BAZ1A: variants seen among roughly 807,000 people sequenced by gnomAD.
The protein encoded by BAZ1A is bromodomain adjacent to zinc finger domain protein 1A.
Under a neutral mutation model 185.2 loss-of-function variants are expected in BAZ1A, and 50 were observed. That is an observed-to-expected ratio of 0.27 (90% confidence interval 0.22 to 0.34). BAZ1A has a LOEUF of 0.34. Ranked by LOEUF, BAZ1A falls within the 10% of genes least tolerant of loss-of-function variation. The probability of loss-of-function intolerance (pLI) is 1.00; values close to 1 mark genes in which losing one functional copy is unlikely to be tolerated. For synonymous variants in BAZ1A, 571 were observed against 615.6 expected, an observed-to-expected ratio of 0.93 and a Z score of 1.07; for missense variants, 1,356 against 1,839.9, an observed-to-expected ratio of 0.74 and a Z score of 4.81.
At chr14:34,807,190 T>C (rs1293730590) in intron 6 of BAZ1A, among the ~76,000 whole-genome samples, 3 of 151,278 alleles carry the variant, frequency 2.0e-5, no homozygotes, top group Non-Finnish European at 4.4e-5. Context: ...CCTGATAACT[T>C]TTCTTTTTCC....
chr14:34,786,611 T>TTG (rs1880468046), intron 12 of BAZ1A: 1 of 145,808 alleles, frequency 6.9e-6, no homozygotes, highest in African/African-American at 2.7e-5. Context: ...GTGTGTTTTT[T>TTG]TTTTTTTTTT....
Position 34,785,922 on chromosome 14 carries a change from A to G in BAZ1A, c.1686T>C (p.Ala562=). 6.2e-7 allele frequency: 1 copy of G among 1,614,136 alleles called. No individual in the cohort carries two copies. The highest frequency in any genetic ancestry group is 8.5e-7 in the Non-Finnish European group (1 of 1,180,028). ...ILRLHILASG[A]DVTSANAKYR... ...ACTTTGCATTTGCTGATGTTACATC[A>G]GCACCTGAAGCTAAGATGTGCAGTC... The change falls in exon 14 of 27, where the codon GCT becomes GCC. Residue 562 remains alanine (A), a synonymous_variant. Transcript: ENST00000360310.
intron 4 of BAZ1A, among the ~76,000 whole-genome samples, chr14:34,813,276 C>T (rs1248201001): frequency 1.3e-5 from 2 of 152,064 alleles, no homozygotes; most frequent in African/African-American, 4.8e-5. Flanking sequence ...TGTGTGGTCC[C>T]AGCTACTTTG....
At chr14:34,822,944 A>G (rs1257941237) in intron 4 of BAZ1A, among the ~76,000 whole-genome samples, 1 of 152,156 alleles carries the variant, frequency 6.6e-6, no homozygotes, top group Non-Finnish European at 1.5e-5. Context: ...GTTCAAATCT[A>G]AAAAAGAAAG....
intron 2 of BAZ1A, among the ~76,000 whole-genome samples, chr14:34,865,255 TTTTA>T (rs1698622184): frequency 6.6e-6 from 1 of 152,084 alleles, no homozygotes; most frequent in Non-Finnish European, 1.5e-5. Context: ...AAAAAAATTT[TTTTA>T]TATATATGCA....
intron 3 of BAZ1A, among the ~76,000 whole-genome samples, chr14:34,837,525 C>G (rs2042349183): frequency 6.7e-6 from 1 of 150,236 alleles, no homozygotes; most frequent in Non-Finnish European, 1.5e-5. Flanking sequence ...AGGCATGAGC[C>G]ACTGAGCCCA....
chr14:34,871,351 T>G (rs750336125), intron 2 of BAZ1A, among the ~76,000 whole-genome samples: 1 of 152,242 alleles, frequency 6.6e-6, no homozygotes, highest in African/African-American at 2.4e-5. Flanking sequence ...AGCCACCGCA[T>G]GCAGCCAGAA....
chr14:34,861,080 C>A (rs187359288), intron 3 of BAZ1A, among the ~76,000 whole-genome samples: 121 of 151,904 alleles, frequency 8.0e-4, no homozygotes, highest in African/African-American at 2.8e-3. Flanking sequence ...TATAATGATT[C>A]TTCAAATAAG....
At chr14:34,858,210 G>A (rs933310354) in intron 3 of BAZ1A, among the ~76,000 whole-genome samples, 3 of 152,094 alleles carry the variant, frequency 2.0e-5, no homozygotes, top group East Asian at 1.9e-4. Context: ...CTGTATCCTC[G>A]AAAATGGTTA....
In BAZ1A at chr14:34,753,430, C is replaced by G; in HGVS notation, c.*78G>C. 1 of 1,332,158 alleles carries G rather than the reference C, an allele frequency of 7.5e-7. No homozygotes were observed. The highest frequency in any genetic ancestry group is 1.4e-5 in the African/African-American group (1 of 70,154). The allele number at this position is 1,332,158 out of a possible 1,614,324, so 82.5% of individuals were successfully genotyped here. A position where few individuals can be genotyped will look rare whatever the true frequency, so the allele number is the denominator to read the frequency against. On this transcript the variant is annotated 3_prime_UTR_variant, in exon 27 of 27. Transcript: ENST00000360310. The stretch of plus-strand genomic sequence containing the variant: ...TCATGTGGTCAATCAATTGTTATTG[C>G]TTTATACAGCATGATTTAATGTTCC...
chr14:34,842,574 T>C (rs2042433596), intron 3 of BAZ1A, among the ~76,000 whole-genome samples: 1 of 152,236 alleles, frequency 6.6e-6, no homozygotes, highest in Non-Finnish European at 1.5e-5. Context: ...ATTAAAAGCT[T>C]AATCTGACCA....
At chr14:34,792,315 G>A (rs940174543) in intron 12 of BAZ1A, among the ~76,000 whole-genome samples, 13 of 152,028 alleles carry the variant, frequency 8.6e-5, no homozygotes, top group African/African-American at 3.1e-4. Context: ...AACCTGGGAG[G>A]TGGAGGTTGT....
At chr14:34,850,007 T>A (rs1458063416) in intron 3 of BAZ1A, among the ~76,000 whole-genome samples, 1 of 151,934 alleles carries the variant, frequency 6.6e-6, no homozygotes, top group African/African-American at 2.4e-5. Context: ...CATTTTTGTA[T>A]CCCCCATCAG....
chr14:34,783,871 T>C lies in BAZ1A; in HGVS notation c.1888A>G (p.Thr630Ala), dbSNP rs766370985. The change falls in exon 15 of 27, where the codon ACT becomes GCT. Residue 630 changes from threonine (T) to alanine (A), a missense_variant. This residue lies in a region of BAZ1A where 184 missense variants were observed against 355.1 expected (regional missense o/e 0.52). Coordinates refer to ENST00000360310, the MANE Select transcript of BAZ1A (RefSeq NM_013448.3). ...ACATAATCTTCAATAAAATCCCTAG[T>C]TGAAACTAGGGTCAGTAGCTTTCCA... is the stretch of plus-strand genomic sequence containing the variant. Reference protein sequence around the residue: ...LCGKLLTLVSTRDFIEDYVDI... With the variant: ...LCGKLLTLVSARDFIEDYVDI... 43 of 1,613,240 alleles carry C rather than the reference T, an allele frequency of 2.7e-5. No individual in the cohort carries two copies. The South Asian group carries it at 4.7e-4, about 18-fold the overall frequency.
At chr14:34,799,647 TG>T (rs1332266395) in intron 9 of BAZ1A, among the ~76,000 whole-genome samples, 1 of 152,094 alleles carries the variant, frequency 6.6e-6, no homozygotes, top group Non-Finnish European at 1.5e-5. Flanking sequence ...AGTCTTGTTC[TG>T]TTGCCCAGGC....
chr14:34,810,548 T>C (rs759761768), intron 5 of BAZ1A, among the ~76,000 whole-genome samples: 2 of 152,208 alleles, frequency 1.3e-5, no homozygotes, highest in Non-Finnish European at 2.9e-5. Context: ...ACTTCATAAA[T>C]AGGACCCTTT....
At chr14:34,775,439 T>C (rs1245498172) in intron 18 of BAZ1A, among the ~76,000 whole-genome samples, 3 of 152,224 alleles carry the variant, frequency 2.0e-5, no homozygotes, top group African/African-American at 7.2e-5. Flanking sequence ...TTACTGCTTT[T>C]TCTTATTTGT....
intron 14 of BAZ1A, among the ~76,000 whole-genome samples, chr14:34,784,278 G>T (rs1396756923): frequency 7.2e-6 from 1 of 139,052 alleles, no homozygotes; most frequent in Non-Finnish European, 1.5e-5. Flanking sequence ...TGAGGTTGGA[G>T]AATTGCTTGA....
chr14:34,825,941 A>AC, intron 4 of BAZ1A, 72 bp downstream of exon 4: 1 of 1,418,298 alleles, frequency 7.1e-7, no homozygotes, highest in South Asian at 1.4e-5. Flanking sequence ...CTATCTCAAA[A>AC]AAAAAGTTAT....
Sources: gnomAD v4.1 joint callset for allele counts (sites outside exome capture counted in the v4.1 genomes callset) on GRCh38, gnomAD v4.1.1 for gene constraint, gnomAD v4.1.1 regional missense constraint, MANE v1.5 for transcripts, NCBI Gene and HGNC (gene_info 2026-07-23, HGNC 2026-07-21) for gene names.